The following NRG4 variants were observed in gnomAD, a reference collection of about 807,000 sequenced individuals.
The protein encoded by NRG4 is pro-neuregulin-4, membrane-bound isoform.
NRG4 carries 10 observed loss-of-function variants against 15.0 expected under a neutral mutation model. The observed-to-expected ratio is 0.67, with a 90% confidence interval of 0.41 to 1.13. NRG4 has a LOEUF of 1.13. NRG4 is among the 50% of genes most tolerant of loss of function. The pLI, the probability that NRG4 is intolerant of heterozygous loss-of-function variation, is 0.00. For synonymous variants in NRG4, 41 were observed against 50.1 expected (o/e 0.82, Z 0.77); for missense variants, 139 against 140.2 (o/e 0.99, Z 0.04).
chr15:76,008,879 C>T (rs2034704895), intron 3 of NRG4, among the ~76,000 whole-genome samples: 1 of 151,892 alleles, frequency 6.6e-6, no homozygotes, highest in Non-Finnish European at 1.5e-5. Context: ...GCTGTTTTGC[C>T]AGTAATATTA....
At chr15:76,024,198 G>T (rs1333469874) in intron 5 of NRG4, among the ~76,000 whole-genome samples, 1 of 152,186 alleles carries the variant, frequency 6.6e-6, no homozygotes, top group Non-Finnish European at 1.5e-5. Flanking sequence ...TGGCTAGCAT[G>T]CCCCCAGGCT....
At chr15:76,024,384 G>T (rs1235313160) in intron 5 of NRG4, among the ~76,000 whole-genome samples, 2 of 152,128 alleles carry the variant, frequency 1.3e-5, no homozygotes, top group African/African-American at 2.4e-5. Context: ...AACAACTCCA[G>T]GAGCAAACTT....
intron 5 of NRG4, among the ~76,000 whole-genome samples, chr15:76,032,584 A>T (rs2035500500): frequency 6.6e-6 from 1 of 152,224 alleles, no homozygotes; most frequent in South Asian, 2.1e-4. Flanking sequence ...TTGAAGGCCA[A>T]ATATAATTTT....
chr15:75,969,590 T>C (rs1371199688), intron 3 of NRG4, among the ~76,000 whole-genome samples: 1 of 152,204 alleles, frequency 6.6e-6, no homozygotes, highest in Non-Finnish European at 1.5e-5. Context: ...TAAAGAGAAG[T>C]AGACCTAAGA....
At chr15:75,974,508 G>T (rs191427844) in intron 3 of NRG4, among the ~76,000 whole-genome samples, 63 of 152,116 alleles carry the variant, frequency 4.1e-4, no homozygotes, top group African/African-American at 1.4e-3. Flanking sequence ...GCTATAAATT[G>T]CCCTCTAAAC....
chr15:76,012,701 A>T (rs1477899822), upstream of NRG4, among the ~76,000 whole-genome samples: 1 of 152,202 alleles, frequency 6.6e-6, no homozygotes, highest in Non-Finnish European at 1.5e-5. Flanking sequence ...GGAGAAAAGA[A>T]ATTTTAATGT....
intron 5 of NRG4, among the ~76,000 whole-genome samples, chr15:75,951,888 A>G (rs1434827263): frequency 6.6e-6 from 1 of 152,138 alleles, no homozygotes; most frequent in Non-Finnish European, 1.5e-5. Context: ...CATAGTTGTC[A>G]TTTCTGGTGC....
chr15:75,960,357 G>A (rs1221741373), intron 4 of NRG4, among the ~76,000 whole-genome samples: 1 of 152,064 alleles, frequency 6.6e-6, no homozygotes, highest in African/African-American at 2.4e-5. Context: ...GGGTGTTCTG[G>A]TTATCTACTT....
chr15:75,997,067 A>T (rs2034241902), intron 3 of NRG4, among the ~76,000 whole-genome samples: 2 of 152,116 alleles, frequency 1.3e-5, no homozygotes, highest in Middle Eastern at 6.3e-3. Flanking sequence ...AGACTAAGAA[A>T]AGCTTGAGAT....
intron 5 of NRG4, among the ~76,000 whole-genome samples, chr15:76,029,994 C>T (rs573292864): frequency 1.3e-5 from 2 of 152,266 alleles, no homozygotes; most frequent in South Asian, 4.1e-4. Flanking sequence ...CATGGTGGCT[C>T]ATGTCTGTAA....
intron 2 of NRG4, among the ~76,000 whole-genome samples, chr15:76,054,883 T>C (rs908788723): frequency 6.6e-6 from 1 of 152,212 alleles, no homozygotes; most frequent in Non-Finnish European, 1.5e-5. Context: ...CAGTACTAAA[T>C]AACATTACAC....
At chr15:75,950,213 A>T (rs191925144) in intron 5 of NRG4, among the ~76,000 whole-genome samples, 7 of 152,266 alleles carry the variant, frequency 4.6e-5, no homozygotes, top group Admixed American at 6.5e-5. Context: ...TTATGTACTT[A>T]ATACATTGAG....
intron 2 of NRG4, among the ~76,000 whole-genome samples, chr15:76,054,599 G>A (rs770745827): frequency 1.3e-4 from 20 of 152,156 alleles, no homozygotes; most frequent in Non-Finnish European, 2.5e-4. Context: ...ATTTTCAGTA[G>A]AGACAGAGTT....
intron 3 of NRG4, among the ~76,000 whole-genome samples, chr15:75,992,300 A>G (rs769856967): frequency 5.9e-5 from 9 of 152,094 alleles, no homozygotes; most frequent in Admixed American, 2.6e-4. Context: ...TATTTTTACT[A>G]TTTCCAAAGT....
intron 5 of NRG4, among the ~76,000 whole-genome samples, chr15:76,017,624 T>A (rs1422155707): frequency 2.0e-5 from 3 of 152,174 alleles, no homozygotes; most frequent in Non-Finnish European, 2.9e-5. Context: ...AAATTCTGGG[T>A]TGAAAATTCT....
chr15:76,031,041 G>A (rs2035458934), intron 5 of NRG4, among the ~76,000 whole-genome samples: 1 of 152,044 alleles, frequency 6.6e-6, no homozygotes, highest in Non-Finnish European at 1.5e-5. Flanking sequence ...ATGACCAGTA[G>A]GGTTTATCAG....
chr15:76,011,233 T>C lies in NRG4; in HGVS notation c.-3A>G. 1 of 1,455,548 alleles carries C rather than the reference T, an allele frequency of 6.9e-7. No individual in the cohort carries two copies. The highest frequency in any genetic ancestry group is 9.1e-7 in the Non-Finnish European group (1 of 1,095,762). 90.2% of individuals were successfully genotyped at this position (1,455,548 alleles called of 1,614,324 possible). ...TATAAGAAATTACCTGTTGGCATCT[T>C]AATTTGTAAATAGTTTCATTCTTGG... On this transcript the variant is annotated 5_prime_UTR_variant, in exon 2 of 6. It removes the in-frame stop codon of an upstream open reading frame in the 5' UTR. Transcript: ENST00000394907.
chr15:76,033,576 T>C (rs2035528378), intron 5 of NRG4, among the ~76,000 whole-genome samples: 1 of 152,172 alleles, frequency 6.6e-6, no homozygotes, highest in Admixed American at 6.5e-5. Context: ...CATAAACAAA[T>C]ATGGATAAAT....
intron 4 of NRG4, among the ~76,000 whole-genome samples, chr15:75,959,731 G>A (rs1317878489): frequency 6.6e-6 from 1 of 152,022 alleles, no homozygotes; most frequent in Non-Finnish European, 1.5e-5. Flanking sequence ...AAACTCCTGG[G>A]CTCAAGCAGT....
Sources: allele counts gnomAD v4.1 joint callset (sites outside exome capture counted in the v4.1 genomes callset), GRCh38; gene constraint gnomAD v4.1.1; transcripts MANE v1.5; gene names NCBI Gene and HGNC (gene_info 2026-07-23, HGNC 2026-07-21).